ATP13A5: variants seen among roughly 807,000 people sequenced by gnomAD.
ATP13A5 encodes the protein ATPase 13A5.
ATP13A5 carries 149 observed loss-of-function variants against 150.2 expected under a neutral mutation model. The observed-to-expected ratio is 0.99, with a 90% CI of 0.87 to 1.14. ATP13A5 has a LOEUF of 1.14. Ranked by LOEUF, ATP13A5 falls within the 50% of genes most tolerant of loss-of-function variation. The pLI is 0.00. For synonymous variants in ATP13A5, 497 were observed against 522.2 expected, an observed-to-expected ratio of 0.95 and a Z score of 0.66; for missense variants, 1,383 against 1,449.3, an observed-to-expected ratio of 0.95 and a Z score of 0.74.
At position 193,314,135 on chromosome 3, in the gene ATP13A5, G is replaced by C. The variant is rs200674373; in HGVS notation, c.2217C>G (p.Gly739=). 33 of 1,613,926 alleles carry C rather than the reference G, an allele frequency of 2.0e-5. No homozygotes were observed. The highest frequency in any genetic ancestry group is 1.7e-4 in the Middle Eastern group (1 of 6,052). The stretch of plus-strand genomic sequence containing the variant: ...CGGCCTCAACAATGATCACTTGGCT[G>C]CCTGGAGGGATCATTTCAGAATTCT... ...VAKNSEMIPP[G]SQVIIVEADE... is the part of the protein sequence containing the mutation. Residue 739 remains glycine, a synonymous_variant, in exon 19 of 30, where the codon GGC becomes GGG. Transcript: ENST00000342358.
chr3:193,283,934 C>T (rs528004361), intron 27 of ATP13A5, among the ~76,000 whole-genome samples: 13 of 150,670 alleles, frequency 8.6e-5, no homozygotes, highest in Non-Finnish European at 1.8e-4. Flanking sequence ...AATAGTGTCT[C>T]ACTTCACTCC....
At chr3:193,293,163 C>G (rs571419897) in intron 25 of ATP13A5, among the ~76,000 whole-genome samples, 6 of 152,212 alleles carry the variant, frequency 3.9e-5, no homozygotes, top group African/African-American at 1.4e-4. Context: ...ATGTTCTCCA[C>G]TCTACAGCAT....
chr3:193,376,918 G>T (rs1713665658), intron 1 of ATP13A5, among the ~76,000 whole-genome samples: 1 of 152,154 alleles, frequency 6.6e-6, no homozygotes, highest in South Asian at 2.1e-4. Flanking sequence ...TTCTGAAAAA[G>T]AAATCTAGAG....
chr3:193,277,167 G>A (rs1052059363), intron 28 of ATP13A5, among the ~76,000 whole-genome samples: 1 of 152,258 alleles, frequency 6.6e-6, no homozygotes, highest in South Asian at 2.1e-4. Context: ...AGAAGGCTAA[G>A]ATTAAATCAT....
intron 26 of ATP13A5, among the ~76,000 whole-genome samples, chr3:193,286,986 T>C (rs192245352): frequency 6.6e-6 from 1 of 152,252 alleles, no homozygotes; most frequent in Admixed American, 6.5e-5. Context: ...AAGAAAATTT[T>C]AGTGGTCTGG....
chr3:193,353,793 A>G (rs1400554991), intron 6 of ATP13A5, among the ~76,000 whole-genome samples: 1 of 152,258 alleles, frequency 6.6e-6, no homozygotes, highest in Non-Finnish European at 1.5e-5. Context: ...AAACTGTGGG[A>G]AAATAAGTGT....
chr3:193,363,100 G>A lies in ATP13A5; in HGVS notation c.384+136C>T, dbSNP rs1399763662. On this transcript the variant is annotated intron_variant, in intron 3 of 29. Coordinates refer to ENST00000342358, the MANE Select transcript of ATP13A5 (RefSeq NM_198505.4). Reference sequence around the variant, plus strand: ...TTACAGACGTGAACGACCATGCCCAGCCAGTCTCACTTTCTTTGATACATA... The same window carrying A: ...TTACAGACGTGAACGACCATGCCCAACCAGTCTCACTTTCTTTGATACATA... 3.3e-5 allele frequency: 36 copies of A among 1,098,708 alleles called. 1 individual carries two copies. In the Admixed American group the frequency reaches 4.5e-4, roughly 14 times the overall value. 68.1% of individuals were successfully genotyped at this position (1,098,708 alleles called of 1,614,324 possible). A position where few individuals can be genotyped will look rare whatever the true frequency, so the allele number is the denominator to read the frequency against.
At chr3:193,341,475 G>A (rs890909003) in intron 9 of ATP13A5, among the ~76,000 whole-genome samples, 2 of 152,198 alleles carry the variant, frequency 1.3e-5, no homozygotes, top group Non-Finnish European at 2.9e-5. Context: ...GTCCCTGAGA[G>A]AAGAGGTGTG....
At chr3:193,310,488 G>T (rs2108850529) in intron 21 of ATP13A5, 150 bp downstream of exon 21, 1 of 599,126 alleles carries the variant, frequency 1.7e-6, no homozygotes, top group Non-Finnish European at 2.9e-6. Flanking sequence ...CCCACCAATA[G>T]TGTATAAGTG....
At chr3:193,302,069 C>A (rs186160501) in intron 23 of ATP13A5, among the ~76,000 whole-genome samples, 1 of 152,126 alleles carries the variant, frequency 6.6e-6, no homozygotes, top group African/African-American at 2.4e-5. Context: ...GGGACCTCAG[C>A]AAACCAGCTC....
rs137900935 is a variant in ATP13A5 at position 193,360,252 on chromosome 3, G to C, written c.536+2129C>G. Among the ~76,000 whole-genome samples, 1,214 of 152,232 alleles carry C rather than the reference G, an allele frequency of 8.0e-3. 19 individuals are homozygous for C. Among genetic ancestry groups the C allele is most frequent in the African/African-American group, 0.027 (1,131 of 41,520 alleles). On this transcript the variant is annotated intron_variant, in intron 5 of 29. Transcript: ENST00000342358. ...GTAAAGTTATTTCTCCTGATGTTTG[G>C]ATATGCTTTCGCTACTGAAAAGTGA...
chr3:193,327,165 T>G (rs1301185764), intron 12 of ATP13A5, 108 bp from the exon 13 acceptor site: 2 of 972,190 alleles, frequency 2.1e-6, no homozygotes, highest in East Asian at 5.8e-5. Context: ...TCCAGTAGTC[T>G]AAATACCTTG....
chr3:193,310,489 T>A (rs1444808639), intron 21 of ATP13A5, 149 bp downstream of exon 21: 5 of 601,498 alleles, frequency 8.3e-6, no homozygotes, highest in Non-Finnish European at 1.4e-5. Flanking sequence ...CCACCAATAG[T>A]GTATAAGTGT....
At chr3:193,378,125 A>C (rs1297891022) in intron 1 of ATP13A5, among the ~76,000 whole-genome samples, 1 of 152,014 alleles carries the variant, frequency 6.6e-6, no homozygotes, top group Non-Finnish European at 1.5e-5. Flanking sequence ...GTGGGGAAAA[A>C]ATTGGAGACA....
chr3:193,343,257 TA>T (rs1209154990), intron 9 of ATP13A5, among the ~76,000 whole-genome samples: 1 of 152,222 alleles, frequency 6.6e-6, no homozygotes, highest in African/African-American at 2.4e-5. Context: ...CTGTGTATTT[TA>T]ATTTTTTGCC....
At chr3:193,312,470 C>T (rs1219806849) in intron 19 of ATP13A5, among the ~76,000 whole-genome samples, 1 of 152,150 alleles carries the variant, frequency 6.6e-6, no homozygotes, top group East Asian at 1.9e-4. Context: ...GATTCTCTTC[C>T]ATACTCTACA....
Position 193,345,028 on chromosome 3 carries a change from C to G in ATP13A5, c.789G>C (p.Gln263His). The change falls in exon 8 of 30, where the codon CAG (glutamine) becomes CAC (histidine). Residue 263 changes from glutamine (Q) to histidine (H), a missense_variant. Gln to His is a conservative substitution (Grantham distance 24). Transcript: ENST00000342358. The stretch of plus-strand genomic sequence containing the variant: ...CTTTGTCTTTTACAATGATTGTAAC[C>G]TGGACTTTGTTGTGGTCCTCCACGA... Reference protein sequence around the residue: ...HNLVEDHNKVQVTIIVKDKGL... With the variant: ...HNLVEDHNKVHVTIIVKDKGL... 1.9e-6 allele frequency: 3 copies of G among 1,613,728 alleles called. No homozygotes were observed. The highest frequency in any genetic ancestry group is 2.5e-6 in the Non-Finnish European group (3 of 1,179,712).
intron 5 of ATP13A5, among the ~76,000 whole-genome samples, chr3:193,359,804 T>C (rs996075815): frequency 5.3e-5 from 8 of 149,986 alleles, no homozygotes; most frequent in African/African-American, 2.0e-4. Context: ...TGTGTGTGCA[T>C]GTGTGTGTGT....
chr3:193,279,285 T>G (rs1264035167), intron 28 of ATP13A5, 81 bp downstream of exon 28: 2 of 1,124,980 alleles, frequency 1.8e-6, no homozygotes, highest in Admixed American at 1.8e-5. Flanking sequence ...GAGAATACAG[T>G]AATAATTGAC....
Sources: allele counts gnomAD v4.1 joint callset (sites outside exome capture counted in the v4.1 genomes callset), GRCh38; gene constraint gnomAD v4.1.1; transcripts MANE v1.5; gene names NCBI Gene and HGNC (gene_info 2026-07-23, HGNC 2026-07-21).